The following DAB1 variants were observed in gnomAD, a reference collection of about 807,000 sequenced individuals.
DAB1 encodes disabled homolog 1.
In DAB1, 15 loss-of-function variants were observed where a neutral mutation model predicts 64.6. The ratio of observed to expected loss-of-function variants is 0.23; its 90% CI spans 0.16 to 0.36. The LOEUF (loss-of-function observed/expected upper bound fraction) is 0.36. Among genes scored for constraint, DAB1 ranks in the 10% least tolerant of loss-of-function variants. DAB1 has a pLI of 1.00. For synonymous variants in DAB1, 235 were observed against 251.9 expected (o/e 0.93, Z 0.64); for missense variants, 596 against 706.7 (o/e 0.84, Z 1.78).
intron 1 of DAB1, among the ~76,000 whole-genome samples, chr1:57,315,692 C>T (rs916906838): frequency 4.6e-5 from 7 of 152,090 alleles, no homozygotes; most frequent in African/African-American, 7.2e-5. Context: ...TTAGTAGAGA[C>T]GGGGTCTCAC....
At chr1:57,739,926 C>T (rs1570783948) in intron 6 of DAB1, among the ~76,000 whole-genome samples, 1 of 151,516 alleles carries the variant, frequency 6.6e-6, no homozygotes, top group South Asian at 2.1e-4. Flanking sequence ...CAGGCGTGGT[C>T]GCTCATGTCT....
intron 5 of DAB1, among the ~76,000 whole-genome samples, chr1:57,901,254 C>T (rs1392318490): frequency 6.6e-6 from 1 of 152,028 alleles, no homozygotes; most frequent in Non-Finnish European, 1.5e-5. Context: ...GAATCATGAG[C>T]GCCTTCCATT....
At chr1:57,934,874 G>A (rs1320334298) in intron 5 of DAB1, among the ~76,000 whole-genome samples, 2 of 152,192 alleles carry the variant, frequency 1.3e-5, no homozygotes, top group African/African-American at 2.4e-5. Context: ...GTAAGACAGA[G>A]GTACGACTTC....
At position 57,713,354 on chromosome 1, in the gene DAB1, A is replaced by T. The variant is rs191867005; in HGVS notation, n.552-63689T>A. Among the ~76,000 whole-genome samples the T allele has an allele frequency of 2.6e-5, 4 of 152,274 alleles. No individual in the cohort carries two copies. In the East Asian group the frequency reaches 7.7e-4, roughly 29 times the overall value. ...CCCTCTGCAAAAGAAGATTATAATA[A>T]ATTTTGATAGGTTACATGGTACAAG... is the stretch of plus-strand genomic sequence containing the variant. On this transcript the variant is annotated intron_variant and non_coding_transcript_variant, in intron 6 of 20. Transcript: ENST00000485760.
At chr1:57,431,824 A>C (rs1685528521) in intron 7 of DAB1, among the ~76,000 whole-genome samples, 1 of 152,172 alleles carries the variant, frequency 6.6e-6, no homozygotes, top group African/African-American at 2.4e-5. Context: ...GTAGACTAAA[A>C]GCTATAAAAA....
At chr1:58,266,079 T>C (rs1661153391) in intron 4 of DAB1, among the ~76,000 whole-genome samples, 1 of 149,028 alleles carries the variant, frequency 6.7e-6, no homozygotes, top group Admixed American at 6.7e-5. Context: ...TCCAGTACAA[T>C]TCACAGGGAG....
At chr1:57,017,309 C>A (rs145335824) in intron 11 of DAB1, among the ~76,000 whole-genome samples, 30 of 152,010 alleles carry the variant, frequency 2.0e-4, no homozygotes, top group Admixed American at 1.3e-3. Flanking sequence ...AGGAATGTAC[C>A]GAGGCAGTGT....
At chr1:57,926,157 A>C (rs1224459233) in intron 5 of DAB1, among the ~76,000 whole-genome samples, 1 of 152,180 alleles carries the variant, frequency 6.6e-6, no homozygotes, top group Non-Finnish European at 1.5e-5. Flanking sequence ...CCCTGGGCCA[A>C]ATCACTTAAT....
chr1:57,248,325 AC>A (rs993555741), intron 2 of DAB1, among the ~76,000 whole-genome samples: 1 of 152,116 alleles, frequency 6.6e-6, no homozygotes, highest in African/African-American at 2.4e-5. Context: ...TAGATGAGGA[AC>A]CTGTAGATAT....
At chr1:57,376,627 C>A (rs571585496) in intron 1 of DAB1, among the ~76,000 whole-genome samples, 1 of 152,232 alleles carries the variant, frequency 6.6e-6, no homozygotes, top group South Asian at 2.1e-4. Context: ...TACCTGTGAA[C>A]ATCTTAGGGA....
At chr1:58,331,444 T>C (rs1226064932) in intron 4 of DAB1, among the ~76,000 whole-genome samples, 1 of 152,230 alleles carries the variant, frequency 6.6e-6, no homozygotes, top group Non-Finnish European at 1.5e-5. Context: ...TTGAGAAGAT[T>C]GGTCCAATTT....
rs537155410 is a variant in DAB1, at chr1:57,034,205, A to C, written c.724-8162T>G. 2.1e-4 allele frequency among the ~76,000 whole-genome samples: 31 copies of C among 146,334 alleles called. 1 individual carries two copies. The South Asian group carries it at 4.5e-3, about 21-fold the overall frequency. ...TGAGGCAGGAGAATCACTTGAATCC[A>C]GGAGGCGGAGGTTGCAGTGAGCCGA... On this transcript the variant is annotated intron_variant, in intron 9 of 14. Transcript: ENST00000371236.
chr1:58,489,513 G>C (rs564157567), intron 3 of DAB1, among the ~76,000 whole-genome samples: 2 of 152,158 alleles, frequency 1.3e-5, no homozygotes, highest in African/African-American at 2.4e-5. Context: ...TCCACCTCTG[G>C]GGGCAGGGCA....
chr1:58,220,795 G>C (rs183287730), intron 4 of DAB1, among the ~76,000 whole-genome samples: 2 of 151,834 alleles, frequency 1.3e-5, no homozygotes, highest in Non-Finnish European at 1.5e-5. Context: ...GCAAGTGCTC[G>C]CAGAAGGTAA....
At chr1:57,256,731 TTCA>T (rs775284224) in intron 2 of DAB1, among the ~76,000 whole-genome samples, 13 of 152,234 alleles carry the variant, frequency 8.5e-5, no homozygotes, top group Non-Finnish European at 1.8e-4. Context: ...AATTTTCTTC[TTCA>T]TCAAGATTTG....
chr1:57,706,469 T>C (rs1646968078), intron 6 of DAB1, among the ~76,000 whole-genome samples: 1 of 151,880 alleles, frequency 6.6e-6, no homozygotes, highest in Non-Finnish European at 1.5e-5. Flanking sequence ...AGGTGCACAC[T>C]ACCACACTCA....
intron 3 of DAB1, among the ~76,000 whole-genome samples, chr1:58,491,332 A>G (rs571534828): frequency 1.3e-5 from 2 of 152,298 alleles, no homozygotes; most frequent in Admixed American, 1.3e-4. Flanking sequence ...AAAGACCATC[A>G]AGGCTAGGAA....
intron 4 of DAB1, among the ~76,000 whole-genome samples, chr1:58,285,751 T>A (rs914255724): frequency 7.9e-5 from 12 of 152,244 alleles, no homozygotes; most frequent in African/African-American, 2.9e-4. Flanking sequence ...CAAAGTAATT[T>A]GTAGATTCAA....
intron 4 of DAB1, among the ~76,000 whole-genome samples, chr1:58,306,840 C>T (rs1025876106): frequency 1.3e-5 from 2 of 152,202 alleles, no homozygotes; most frequent in Non-Finnish European, 2.9e-5. Context: ...CACTTTTTTA[C>T]ATACTCCTCC....
Sources: allele counts gnomAD v4.1 joint callset (sites outside exome capture counted in the v4.1 genomes callset), GRCh38; gene constraint gnomAD v4.1.1; transcripts MANE v1.5; gene names NCBI Gene and HGNC (gene_info 2026-07-23, HGNC 2026-07-21).